The following TUBGCP3 variants were observed in gnomAD, a reference collection of about 807,000 sequenced individuals.
TUBGCP3 encodes the protein tubulin gamma complex component 3.
Under a neutral mutation model 123.1 loss-of-function variants are expected in TUBGCP3, and 50 were observed. The ratio of observed to expected loss-of-function variants is 0.41; its 90% CI spans 0.32 to 0.51. The LOEUF is 0.51. TUBGCP3 is among the 20% of genes least tolerant of loss of function. TUBGCP3 has a pLI of 0.36. For synonymous variants in TUBGCP3, 405 were observed against 413.9 expected, an observed-to-expected ratio of 0.98 and a Z score of 0.26; for missense variants, 882 against 1,127.0, an observed-to-expected ratio of 0.78 and a Z score of 3.11.
the TUBGCP3 span, among the ~76,000 whole-genome samples, chr13:112,597,250 G>A: frequency 2.5e-4 from 38 of 152,338 alleles, no homozygotes; most frequent in African/African-American, 9.1e-4. Flanking sequence ...TACAGACTAA[G>A]CTGTAAATAG....
intron 2 of TUBGCP3, among the ~76,000 whole-genome samples, chr13:112,566,637 A>C (rs1880971374): frequency 6.6e-6 from 1 of 152,258 alleles, no homozygotes; most frequent in Non-Finnish European, 1.5e-5. Flanking sequence ...CAACATATAA[A>C]TAGACTCAAA....
At chr13:112,526,403 ACAT>A (rs538794850) in intron 13 of TUBGCP3, among the ~76,000 whole-genome samples, 56 of 138,334 alleles carry the variant, frequency 4.0e-4, no homozygotes, top group East Asian at 2.0e-3. Context: ...ATCACCATCA[ACAT>A]CATCACCACC....
At position 112,539,418 on chromosome 13, in the gene TUBGCP3, T is replaced by C. The variant is rs752496119; in HGVS notation, c.1335+6281A>G. 2.0e-5 allele frequency among the ~76,000 whole-genome samples: 3 copies of C among 152,306 alleles called. No individual in the cohort carries two copies. The East Asian group carries it at 5.8e-4, about 29-fold the overall frequency. Reference sequence around the variant, plus strand: ...GGTAGGTGGTATATGCCCACTGGTATTGCAGTACTAAACATAGCAGACCCA... The same window carrying C: ...GGTAGGTGGTATATGCCCACTGGTACTGCAGTACTAAACATAGCAGACCCA... On this transcript the variant is annotated intron_variant, in intron 11 of 21. Coordinates refer to ENST00000261965, the MANE Select transcript of TUBGCP3 (RefSeq NM_006322.6).
intron 17 of TUBGCP3, among the ~76,000 whole-genome samples, chr13:112,509,043 G>T (rs546710303): frequency 6.6e-6 from 1 of 152,160 alleles, no homozygotes; most frequent in Non-Finnish European, 1.5e-5. Context: ...GGACGTGCTC[G>T]TGGCTGGGCT....
At chr13:112,596,510 G>T in the TUBGCP3 span, among the ~76,000 whole-genome samples, 1 of 152,042 alleles carries the variant, frequency 6.6e-6, no homozygotes, top group Non-Finnish European at 1.5e-5. Context: ...TTTCTCTCTG[G>T]CTGTTTTCAA....
chr13:112,548,332 C>T (rs552218303), intron 8 of TUBGCP3, among the ~76,000 whole-genome samples, 156 bp from the exon 9 acceptor site: 2 of 152,208 alleles, frequency 1.3e-5, no homozygotes, highest in South Asian at 4.1e-4. Flanking sequence ...ATCTTAATCA[C>T]CACAATATAT....
In TUBGCP3 at chr13:112,545,750, G is replaced by C; in HGVS notation, c.1284C>G (p.Ser428Arg). 1.2e-6 allele frequency: 2 copies of C among 1,614,196 alleles called. No individual in the cohort carries two copies. The highest frequency in any genetic ancestry group is 1.7e-6 in the Non-Finnish European group (2 of 1,180,030). Residue 428 changes from serine (S) to arginine (R), a missense_variant, in exon 11 of 22, where the codon AGC (serine) becomes AGG (arginine). This residue lies in a region of TUBGCP3 where 713 missense variants were observed against 874.0 expected (regional missense o/e 0.82). Transcript: ENST00000261965. The surrounding 1 kb of genome is among the most constrained non-coding windows in gnomAD (Gnocchi z 4.1). ...ILSLVSHPVL[S>R]FLYRWIYDGE... is the part of the protein sequence containing the mutation. ...CATCATATATCCAGCGGTACAGGAAGCTCAAAACAGGATGAGACACGAGGC... is the reference window on the plus strand; with the variant it reads ...CATCATATATCCAGCGGTACAGGAACCTCAAAACAGGATGAGACACGAGGC...
intron 5 of TUBGCP3, among the ~76,000 whole-genome samples, chr13:112,556,550 T>A (rs1435014741): frequency 6.6e-6 from 1 of 152,264 alleles, no homozygotes; most frequent in East Asian, 1.9e-4. Context: ...ACATATAACA[T>A]ACCTTACCCA....
At chr13:112,509,832 C>CT in intron 17 of TUBGCP3, among the ~76,000 whole-genome samples, 1 of 152,330 alleles carries the variant, frequency 6.6e-6, no homozygotes, top group South Asian at 2.1e-4. Context: ...TCTAACTACT[C>CT]TAAGGCTGTA....
chr13:112,496,341 A>T, intron 20 of TUBGCP3, among the ~76,000 whole-genome samples: 1 of 152,210 alleles, frequency 6.6e-6, no homozygotes. Flanking sequence ...GCATAAGAAC[A>T]TGGTGGCACC....
chr13:112,555,912 G>A, intron 6 of TUBGCP3, 140 bp downstream of exon 6: 1 of 964,942 alleles, frequency 1.0e-6, no homozygotes, highest in South Asian at 2.3e-5. Flanking sequence ...AGACCACCAG[G>A]GACTCTGGAC....
At chr13:112,509,697 T>C (rs1820741287) in intron 17 of TUBGCP3, among the ~76,000 whole-genome samples, 2 of 152,200 alleles carry the variant, frequency 1.3e-5, no homozygotes, top group Admixed American at 1.3e-4. Flanking sequence ...CTGAGGACGC[T>C]GCTACTGAAA....
upstream of TUBGCP3, chr13:112,588,265 G>C: frequency 6.9e-6 from 2 of 289,608 alleles, no homozygotes; most frequent in Non-Finnish European, 1.3e-5. Context: ...CCGGTCGGCC[G>C]AGAAAGTTCC....
chr13:112,517,814 C>A (rs1385578775), intron 16 of TUBGCP3, among the ~76,000 whole-genome samples: 1 of 152,134 alleles, frequency 6.6e-6, no homozygotes, highest in Non-Finnish European at 1.5e-5. Context: ...TCGCTTGAAT[C>A]TCAGAGGTGA....
At chr13:112,547,168 G>C (rs934397330) in intron 10 of TUBGCP3, 2 of 343,216 alleles carry the variant, frequency 5.8e-6, no homozygotes, top group Admixed American at 4.8e-5. Flanking sequence ...CATGGTCCCT[G>C]ACTGCAGAAG....
At chr13:112,577,298 A>ATGATGAAT (rs1881897181) in intron 1 of TUBGCP3, among the ~76,000 whole-genome samples, 1 of 152,212 alleles carries the variant, frequency 6.6e-6, no homozygotes, top group Non-Finnish European at 1.5e-5. Flanking sequence ...ACTTTCAAGA[A>ATGATGAAT]TGATGAATCA....
intron 2 of TUBGCP3, 70 bp downstream of exon 2, chr13:112,569,082 C>T: frequency 7.1e-7 from 1 of 1,410,972 alleles, no homozygotes; most frequent in Admixed American, 1.9e-5. Flanking sequence ...TACACACATG[C>T]ATACATACAT....
intron 1 of TUBGCP3, among the ~76,000 whole-genome samples, chr13:112,571,348 A>G (rs999307057): frequency 2.6e-5 from 4 of 152,240 alleles, no homozygotes; most frequent in African/African-American, 9.6e-5. Context: ...GCAGGCATGA[A>G]AACAACTCCA....
chr13:112,587,822 G>T, intron 1 of TUBGCP3, 83 bp downstream of exon 1: 1 of 1,267,894 alleles, frequency 7.9e-7, no homozygotes, highest in Non-Finnish European at 1.1e-6. Context: ...CGTTCCTCCA[G>T]CCCCGGAACG....
Sources: allele counts gnomAD v4.1 joint callset (sites outside exome capture counted in the v4.1 genomes callset), GRCh38; gene constraint gnomAD v4.1.1; regional missense constraint gnomAD v4.1.1; non-coding constraint Gnocchi (gnomAD v3.1); transcripts MANE v1.5; gene names NCBI Gene and HGNC (gene_info 2026-07-23, HGNC 2026-07-21).